PNP: variants seen among roughly 807,000 people sequenced by gnomAD.
The protein encoded by PNP is HEL-S-156an.
A neutral mutation model predicts 26.8 loss-of-function variants in PNP; 18 were observed. The observed-to-expected ratio is 0.67, with a 90% CI of 0.46 to 1.00. PNP has a LOEUF of 1.00. Ranked by LOEUF, PNP falls within the 50% of genes least tolerant of loss-of-function variation. The pLI, the probability that PNP is intolerant of heterozygous loss-of-function variation, is 0.00. For missense variants in PNP, 320 were observed against 362.9 expected, an observed-to-expected ratio of 0.88 and a Z score of 0.96; for synonymous variants, 116 against 124.8, an observed-to-expected ratio of 0.93 and a Z score of 0.47.
chr14:20,470,361 A>G (rs1881962405), intron 1 of PNP, among the ~76,000 whole-genome samples: 1 of 152,220 alleles, frequency 6.6e-6, no homozygotes, highest in Non-Finnish European at 1.5e-5. Context: ...CCATTTGATT[A>G]ACATTTTACC....
rs1289812626 is a variant in PNP at position 20,469,641 on chromosome 14, C to T, written c.11+106C>T. 38 of 1,429,070 alleles carry T rather than the reference C, an allele frequency of 2.7e-5. No individual in the cohort carries two copies. The Admixed American group carries it at 3.5e-4, about 13-fold the overall frequency. 88.5% of individuals were successfully genotyped at this position (1,429,070 alleles called of 1,614,324 possible). A position where few individuals can be genotyped will look rare whatever the true frequency, so the allele number is the denominator to read the frequency against. On this transcript the variant is annotated intron_variant, in intron 1 of 5. Coordinates refer to ENST00000361505, the MANE Select transcript of PNP (RefSeq NM_000270.4). ...GGGAGCTGGCGGAGGGAGCGAGCGC[C>T]CAGGGGATGCAGAGAGGCCTGGCAC... is the stretch of plus-strand genomic sequence containing the variant.
At chr14:20,474,314 C>T in intron 2 of PNP, 158 bp from the exon 3 acceptor site, 1 of 673,798 alleles carries the variant, frequency 1.5e-6, no homozygotes, top group Non-Finnish European at 2.6e-6. Flanking sequence ...GCTCTCTCAC[C>T]AGACTTAAAC....
intron 1 of PNP, among the ~76,000 whole-genome samples, chr14:20,470,065 G>A (rs932869251): frequency 6.6e-6 from 1 of 152,178 alleles, no homozygotes; most frequent in Non-Finnish European, 1.5e-5. Flanking sequence ...TTAACTCGGT[G>A]GGAAGTGACT....
chr14:20,470,313 G>C (rs1881961527), intron 1 of PNP, among the ~76,000 whole-genome samples: 1 of 152,256 alleles, frequency 6.6e-6, no homozygotes, highest in South Asian at 2.1e-4. Flanking sequence ...TGTGGCGGCA[G>C]CTTCACACAT....
At position 20,475,091 on chromosome 14, in the gene PNP, A is replaced by G. The variant is rs774704206; in HGVS notation, c.491A>G (p.Asp164Gly). ...RFGDRFPAMSDAYDRTMRQRA... is the reference protein window; with the variant it reads ...RFGDRFPAMSGAYDRTMRQRA... ...GGAGATCGTTTCCCTGCCATGTCTG[A>G]TGCCTACGACCGGACTATGAGGCAG... Residue 164 changes from aspartate to glycine, a missense_variant, in exon 5 of 6, where the codon GAT becomes GGT. Physicochemically the swap from Asp to Gly is moderately conservative, Grantham distance 94. Coordinates refer to ENST00000361505, the MANE Select transcript of PNP (RefSeq NM_000270.4). 3.7e-6 allele frequency: 6 copies of G among 1,614,112 alleles called. No individual in the cohort carries two copies. Among genetic ancestry groups the G allele is most frequent in the Non-Finnish European group, 4.2e-6 (5 of 1,180,062 alleles).
At chr14:20,474,686 C>T in intron 3 of PNP, 87 bp from the exon 4 acceptor site, 1 of 1,568,196 alleles carries the variant, frequency 6.4e-7, no homozygotes, top group Non-Finnish European at 8.8e-7. Flanking sequence ...CCTCTCCTTC[C>T]TTTTCTTTCA....
At chr14:20,472,215 G>A (rs138775313) in intron 1 of PNP, 93 bp from the exon 2 acceptor site, 3 of 1,061,070 alleles carry the variant, frequency 2.8e-6, no homozygotes, top group Non-Finnish European at 2.9e-6. Flanking sequence ...TGCTGCCTCA[G>A]TATACCTGCC....
At chr14:20,475,919 G>T (rs1303861481) in intron 5 of PNP, among the ~76,000 whole-genome samples, 4 of 152,118 alleles carry the variant, frequency 2.6e-5, no homozygotes, top group Admixed American at 2.0e-4. Flanking sequence ...GGATTGTATT[G>T]GTAATTTTAA....
chr14:20,473,962 A>G (rs1313603340), intron 2 of PNP: 1 of 176,364 alleles, frequency 5.7e-6, no homozygotes, highest in African/African-American at 2.4e-5. Flanking sequence ...TAGTGTAACC[A>G]TCACCTGAGC....
chr14:20,475,012 G>A, intron 4 of PNP, 50 bp from the exon 5 acceptor site: 1 of 1,613,778 alleles, frequency 6.2e-7, no homozygotes, highest in Non-Finnish European at 8.5e-7. Context: ...GGAGCTGTGG[G>A]AGAATTTTTA....
At chr14:20,475,320 T>A in intron 5 of PNP, 68 bp downstream of exon 5, 9 of 1,191,036 alleles carry the variant, frequency 7.6e-6, no homozygotes, top group Non-Finnish European at 9.7e-6. Flanking sequence ...GGGGAAGGAG[T>A]AGGAAATAAC....
rs772988885 is a variant in PNP, at chr14:20,474,580, G to A, written c.285+5G>A. 6.2e-7 allele frequency: 1 copy of A among 1,611,672 alleles called. No homozygotes were observed. Among genetic ancestry groups the A allele is most frequent in the South Asian group, 1.1e-5 (1 of 91,008 alleles). ...GAAGGGTACCCACTCTGGAAGGTAA[G>A]TCAGAGGGATAGGTCCGGTTGGATC... On this transcript the variant is annotated splice_donor_5th_base_variant and intron_variant, in intron 3 of 5. Transcript: ENST00000361505.
chr14:20,474,870 A>T lies in PNP; in HGVS notation c.383A>T (p.Asp128Val). Residue 128 changes from aspartate (D) to valine (V), a missense_variant, in exon 4 of 6, where the codon GAT (aspartate) becomes GTT (valine). Transcript: ENST00000361505. ...GGLNPKFEVGDIMLIRDHINL... is the reference protein window; with the variant it reads ...GGLNPKFEVGVIMLIRDHINL... Reference sequence around the variant, plus strand: ...CTGAACCCCAAGTTTGAGGTTGGAGATATCATGCTGATCCGTGACCATATC... The same window carrying T: ...CTGAACCCCAAGTTTGAGGTTGGAGTTATCATGCTGATCCGTGACCATATC... 6.2e-7 allele frequency: 1 copy of T among 1,614,154 alleles called. No individual in the cohort carries two copies. The highest frequency in any genetic ancestry group is 1.3e-5 in the African/African-American group (1 of 75,010).
At chr14:20,475,871 A>G (rs1271268552) in intron 5 of PNP, among the ~76,000 whole-genome samples, 1 of 152,238 alleles carries the variant, frequency 6.6e-6, no homozygotes, top group African/African-American at 2.4e-5. Flanking sequence ...CTCTATCATT[A>G]GGATTGAGTT....
At chr14:20,472,513 G>C (rs1346422908) in intron 2 of PNP, 36 bp downstream of exon 2, 1 of 1,592,084 alleles carries the variant, frequency 6.3e-7, no homozygotes, top group African/African-American at 1.3e-5. Flanking sequence ...GGGACTGAGG[G>C]ATGTTCTTGG....
At position 20,469,486 on chromosome 14, in the gene PNP, A is replaced by G. The variant is rs1175845485; in HGVS notation, c.-39A>G. 5 of 1,550,106 alleles carry G rather than the reference A, an allele frequency of 3.2e-6. No individual in the cohort carries two copies. The highest frequency in any genetic ancestry group is 4.4e-6 in the Non-Finnish European group (5 of 1,147,060). On this transcript the variant is annotated 5_prime_UTR_variant, in exon 1 of 6. Transcript: ENST00000361505. The stretch of plus-strand genomic sequence containing the variant: ...CGATCGGATCGGAGCGGATCGGAGC[A>G]CACCGGAGCAGGCTCATCGAGAAGG...
At chr14:20,475,868 A>G (rs1306582228) in intron 5 of PNP, among the ~76,000 whole-genome samples, 2 of 152,216 alleles carry the variant, frequency 1.3e-5, no homozygotes, top group Non-Finnish European at 2.9e-5. Flanking sequence ...GAACTCTATC[A>G]TTAGGATTGA....
chr14:20,471,456 C>T (rs1411093239), intron 1 of PNP, among the ~76,000 whole-genome samples: 4 of 151,966 alleles, frequency 2.6e-5, no homozygotes, highest in African/African-American at 9.7e-5. Context: ...CACTCTGTCA[C>T]CAGGCTGGAG....
Position 20,469,487 on chromosome 14 carries a change from C to G in PNP, c.-38C>G, listed in dbSNP as rs1881937391. On this transcript the variant is annotated 5_prime_UTR_variant, in exon 1 of 6. Coordinates refer to ENST00000361505, the MANE Select transcript of PNP (RefSeq NM_000270.4). ...GATCGGATCGGAGCGGATCGGAGCA[C>G]ACCGGAGCAGGCTCATCGAGAAGGC... is the stretch of plus-strand genomic sequence containing the variant. The G allele has an allele frequency of 2.6e-6, 4 of 1,550,232 alleles. No individual in the cohort carries two copies. Among genetic ancestry groups the G allele is most frequent in the Non-Finnish European group, 3.5e-6 (4 of 1,147,070 alleles).
Sources: gnomAD v4.1 joint callset for allele counts (sites outside exome capture counted in the v4.1 genomes callset) on GRCh38, gnomAD v4.1.1 for gene constraint, MANE v1.5 for transcripts, NCBI Gene and HGNC (gene_info 2026-07-23, HGNC 2026-07-21) for gene names.